The following PTCHD4 variants were observed in gnomAD, a reference collection of about 807,000 sequenced individuals.
PTCHD4 encodes patched domain-containing protein 4.
Under a neutral mutation model 58.1 loss-of-function variants are expected in PTCHD4, and 33 were observed. The observed-to-expected ratio is 0.57, with a 90% CI of 0.43 to 0.76. The LOEUF is 0.76. Ranked by LOEUF, PTCHD4 falls within the 30% of genes least tolerant of loss-of-function variation. PTCHD4 has a pLI of 0.00. For missense variants in PTCHD4, 1,058 were observed against 1,027.1 expected (o/e 1.03, Z -0.41); for synonymous variants, 478 against 409.6 (o/e 1.17, Z -2.02).
chr6:47,977,196 A>G (rs1767725076), intron 4 of PTCHD4, among the ~76,000 whole-genome samples: 1 of 152,256 alleles, frequency 6.6e-6, no homozygotes, highest in African/African-American at 2.4e-5. Flanking sequence ...GGTGACTCTC[A>G]ATGATCCACA....
intron 4 of PTCHD4, among the ~76,000 whole-genome samples, chr6:47,907,913 CAATTAGTTA>C (rs1224973487): frequency 1.3e-5 from 2 of 152,070 alleles, no homozygotes; most frequent in South Asian, 2.1e-4. Flanking sequence ...CTCCCTCTAT[CAATTAGTTA>C]GAAGGGGAGG....
chr6:47,890,472 G>A (rs900139319), intron 4 of PTCHD4, among the ~76,000 whole-genome samples: 7 of 152,080 alleles, frequency 4.6e-5, no homozygotes, highest in African/African-American at 1.7e-4. Context: ...CCACGTATCT[G>A]TTTCCTCATC....
intron 4 of PTCHD4, among the ~76,000 whole-genome samples, chr6:47,912,617 G>T (rs1053568888): frequency 2.6e-5 from 4 of 151,830 alleles, no homozygotes; most frequent in African/African-American, 9.7e-5. Flanking sequence ...TTCTTTTTCA[G>T]ACATTTAATA....
chr6:47,935,771 C>T (rs913109923), intron 4 of PTCHD4, among the ~76,000 whole-genome samples: 2 of 152,134 alleles, frequency 1.3e-5, no homozygotes, highest in African/African-American at 4.8e-5. Context: ...CATTCTTGCT[C>T]TCATTGATAT....
intron 4 of PTCHD4, among the ~76,000 whole-genome samples, chr6:47,909,984 T>C (rs552463839): frequency 6.6e-6 from 1 of 152,280 alleles, no homozygotes; most frequent in Non-Finnish European, 1.5e-5. Flanking sequence ...AACGTGTTTG[T>C]TTTTAGCTGC....
rs1328973 is a variant in PTCHD4, at chr6:47,863,590, G to T, written c.*14713C>A. Among the ~76,000 whole-genome samples, 101,446 of 151,732 alleles carry T rather than the reference G, an allele frequency of 0.67. 34,390 individuals carry two copies. The highest frequency in any genetic ancestry group is 0.78 in the East Asian group (4,011 of 5,128). On this transcript the variant is annotated 3_prime_UTR_variant, in exon 5 of 5. Coordinates refer to ENST00000339488, the MANE Select transcript of PTCHD4 (RefSeq NM_001384253.1). ...GTATAGTAGATTCCAAATATTGCAT[G>T]AAACATACTTGTACTAAAAATTTCA...
Position 47,864,991 on chromosome 6 carries a change from T to C in PTCHD4, c.*13312A>G, listed in dbSNP as rs1763521616. 6.6e-6 allele frequency among the ~76,000 whole-genome samples: 1 copy of C among 151,932 alleles called. No individual in the cohort carries two copies. The highest frequency in any genetic ancestry group is 2.4e-5 in the African/African-American group (1 of 41,422). On this transcript the variant is annotated 3_prime_UTR_variant, in exon 5 of 5. Coordinates refer to ENST00000339488, the MANE Select transcript of PTCHD4 (RefSeq NM_001384253.1). Reference sequence around the variant, plus strand: ...AGAAGATGACTGCAGAGCAGATCTCTGATTGTGGGAGGAACAGTGATCTTG... The same window carrying C: ...AGAAGATGACTGCAGAGCAGATCTCCGATTGTGGGAGGAACAGTGATCTTG...
chr6:48,088,402 A>T (rs187693724), intron 1 of PTCHD4, among the ~76,000 whole-genome samples: 1 of 152,176 alleles, frequency 6.6e-6, no homozygotes, highest in East Asian at 1.9e-4. Flanking sequence ...TCCTTTCTTC[A>T]TAAAAAGCAA....
chr6:47,993,614 C>G (rs1768363411), intron 4 of PTCHD4, among the ~76,000 whole-genome samples: 1 of 152,122 alleles, frequency 6.6e-6, no homozygotes, highest in African/African-American at 2.4e-5. Context: ...GCAGACTGCT[C>G]CTAAGTCTGC....
chr6:47,867,071 C>A lies in PTCHD4; in HGVS notation c.*11232G>T, dbSNP rs1265546507. On this transcript the variant is annotated 3_prime_UTR_variant, in exon 5 of 5. Coordinates refer to ENST00000339488, the MANE Select transcript of PTCHD4 (RefSeq NM_001384253.1). ...GTTTACAATGTTTTCTTTCTGGGAA[C>A]AATCTATAAATCAGGGACAATAATA... Among the ~76,000 whole-genome samples, 1 of 151,742 alleles carries A rather than the reference C, an allele frequency of 6.6e-6. No individual in the cohort carries two copies.
At chr6:48,041,052 A>C (rs757828744) in intron 3 of PTCHD4, among the ~76,000 whole-genome samples, 5 of 152,092 alleles carry the variant, frequency 3.3e-5, no homozygotes, top group Non-Finnish European at 5.9e-5. Flanking sequence ...ACTAAAATCC[A>C]AATATTCAGT....
At chr6:47,880,928 C>T (rs575043275) in intron 4 of PTCHD4, among the ~76,000 whole-genome samples, 11 of 152,196 alleles carry the variant, frequency 7.2e-5, no homozygotes, top group African/African-American at 2.6e-4. Flanking sequence ...TTTCACTTCC[C>T]TGAATTGGAC....
chr6:47,995,404 C>T (rs1768449467), intron 4 of PTCHD4, among the ~76,000 whole-genome samples: 1 of 152,196 alleles, frequency 6.6e-6, no homozygotes, highest in African/African-American at 2.4e-5. Flanking sequence ...ATGCTCATCA[C>T]AAAGTCTTCT....
chr6:47,915,058 G>A (rs193299817), intron 4 of PTCHD4, among the ~76,000 whole-genome samples: 55 of 152,174 alleles, frequency 3.6e-4, no homozygotes, highest in African/African-American at 1.3e-3. Flanking sequence ...CTGAGGTAGT[G>A]ATTAAACATC....
intron 1 of PTCHD4, among the ~76,000 whole-genome samples, chr6:48,109,329 A>G (rs1344251476): frequency 6.6e-6 from 1 of 152,180 alleles, no homozygotes; most frequent in East Asian, 1.9e-4. Context: ...ATATATGAAC[A>G]TACAACTTTT....
chr6:47,919,097 C>A (rs1323773137), intron 4 of PTCHD4, among the ~76,000 whole-genome samples: 1 of 152,024 alleles, frequency 6.6e-6, no homozygotes, highest in African/African-American at 2.4e-5. Flanking sequence ...GCTTCTTATA[C>A]CCAAATTATT....
At position 47,966,308 on chromosome 6, in the gene PTCHD4, G is replaced by A. The variant is rs1181858448; in HGVS notation, c.898+42326C>T. ...TTTGCACTATACTATAGTATATTAA[G>A]TATGCAATAGCATTATGTCTGAGAA... On this transcript the variant is annotated intron_variant, in intron 4 of 4. Coordinates refer to ENST00000339488, the MANE Select transcript of PTCHD4 (RefSeq NM_001384253.1). 4.6e-5 allele frequency among the ~76,000 whole-genome samples: 7 copies of A among 152,092 alleles called. No homozygotes were observed. In the East Asian group the frequency reaches 1.2e-3, roughly 25 times the overall value.
intron 3 of PTCHD4, among the ~76,000 whole-genome samples, chr6:48,053,092 G>A (rs1293455458): frequency 1.3e-5 from 2 of 152,060 alleles, no homozygotes. Context: ...TTGCCACACT[G>A]ATCTGGGGGA....
chr6:48,000,978 C>A (rs1768698013), intron 4 of PTCHD4, among the ~76,000 whole-genome samples: 1 of 152,122 alleles, frequency 6.6e-6, no homozygotes, highest in South Asian at 2.1e-4. Context: ...AACAGAGAGC[C>A]AAATCATGAG....
Sources: gnomAD v4.1 joint callset for allele counts (sites outside exome capture counted in the v4.1 genomes callset) on GRCh38, gnomAD v4.1.1 for gene constraint, MANE v1.5 for transcripts, NCBI Gene and HGNC (gene_info 2026-07-23, HGNC 2026-07-21) for gene names.